Variants in KHDRBS2 observed in about 807,000 individuals in gnomAD.
KHDRBS2 encodes the protein KH domain-containing, RNA-binding, signal transduction-associated protein 2.
A neutral mutation model predicts 44.3 loss-of-function variants in KHDRBS2; 26 were observed. The ratio of observed to expected loss-of-function variants is 0.59; its 90% CI spans 0.43 to 0.81. The LOEUF (loss-of-function observed/expected upper bound fraction) is 0.81. KHDRBS2 is among the 40% of genes least tolerant of loss of function. KHDRBS2 has a pLI of 0.00. For missense variants in KHDRBS2, 476 were observed against 433.1 expected (o/e 1.10, Z -0.88); for synonymous variants, 194 against 151.1 (o/e 1.28, Z -2.08).
intron 2 of KHDRBS2, among the ~76,000 whole-genome samples, chr6:62,110,078 G>A (rs1334138334): frequency 2.0e-5 from 3 of 151,792 alleles, no homozygotes; most frequent in Non-Finnish European, 4.4e-5. Context: ...TGGATAAAAC[G>A]ACAAGGCCCA....
In KHDRBS2 at chr6:61,759,703, C is replaced by T. The variant is rs77867665; in HGVS notation, c.811-26939G>A. Among the ~76,000 whole-genome samples the T allele has an allele frequency of 8.0e-3, 1,217 of 152,202 alleles. 15 individuals carry two copies. Among genetic ancestry groups the T allele is most frequent in the African/African-American group, 0.027 (1,105 of 41,542 alleles). Reference sequence around the variant, plus strand: ...GAAAATGTTTGATCTCTTTCATTTCCCTTGTTAGCACGATTCAGCCTCAAG... The same window carrying T: ...GAAAATGTTTGATCTCTTTCATTTCTCTTGTTAGCACGATTCAGCCTCAAG... On this transcript the variant is annotated intron_variant, in intron 6 of 8. Transcript: ENST00000281156.
intron 4 of KHDRBS2, among the ~76,000 whole-genome samples, chr6:61,960,302 C>T (rs1199306966): frequency 6.6e-6 from 1 of 151,860 alleles, no homozygotes; most frequent in Non-Finnish European, 1.5e-5. Context: ...AAAAACTGCC[C>T]AATTCTAAGA....
At chr6:61,780,472 C>G (rs1326756811) in intron 6 of KHDRBS2, among the ~76,000 whole-genome samples, 1 of 152,136 alleles carries the variant, frequency 6.6e-6, no homozygotes, top group Non-Finnish European at 1.5e-5. Context: ...GCCTGGGCGA[C>G]AGAGCCAGAC....
At chr6:62,080,854 C>A (rs532498288) in intron 2 of KHDRBS2, among the ~76,000 whole-genome samples, 1 of 152,046 alleles carries the variant, frequency 6.6e-6, no homozygotes, top group Non-Finnish European at 1.5e-5. Context: ...CTTGCTGCAT[C>A]TTGGTTTGGC....
At chr6:61,770,843 A>G (rs1019270600) in intron 6 of KHDRBS2, among the ~76,000 whole-genome samples, 2 of 152,162 alleles carry the variant, frequency 1.3e-5, no homozygotes, top group East Asian at 1.9e-4. Flanking sequence ...GAACGCCACA[A>G]AGATACTCCT....
intron 1 of KHDRBS2, among the ~76,000 whole-genome samples, chr6:62,200,835 C>T (rs1585177596): frequency 1.3e-5 from 2 of 152,262 alleles, no homozygotes; most frequent in Non-Finnish European, 2.9e-5. Context: ...GGAACCAACC[C>T]AAATGTCCAA....
chr6:62,229,374 A>G (rs176620), intron 1 of KHDRBS2, among the ~76,000 whole-genome samples: 28,373 of 151,982 alleles, frequency 0.19, 3,070 homozygotes, highest in African/African-American at 0.31. Context: ...CAGTAGGGGA[A>G]AAGTGTGACC....
In KHDRBS2 at chr6:61,696,914, A is replaced by G. The variant is rs572847772; in HGVS notation, c.952+281T>C. ...TGTTGCCAAATCAATGAGTCAGACA[A>G]TGAACACAGTTAAACATACAAGACG... On this transcript the variant is annotated intron_variant, in intron 8 of 8. Transcript: ENST00000281156. Among the ~76,000 whole-genome samples, 4 of 152,292 alleles carry G rather than the reference A, an allele frequency of 2.6e-5. No homozygotes were observed. In the South Asian group the frequency reaches 8.3e-4, roughly 32 times the overall value.
chr6:61,569,684 G>A, the KHDRBS2 span, among the ~76,000 whole-genome samples: 2 of 152,248 alleles, frequency 1.3e-5, no homozygotes, highest in East Asian at 1.9e-4. Flanking sequence ...CACTCTCCTA[G>A]CACCTCCACC....
intron 7 of KHDRBS2, among the ~76,000 whole-genome samples, chr6:61,714,218 C>G (rs574754098): frequency 6.6e-6 from 1 of 151,698 alleles, no homozygotes; most frequent in Admixed American, 6.6e-5. Context: ...AAAAAACCCC[C>G]AAATAATCCC....
intron 2 of KHDRBS2, among the ~76,000 whole-genome samples, chr6:62,166,119 G>C (rs769190365): frequency 6.6e-6 from 1 of 151,924 alleles, no homozygotes; most frequent in East Asian, 1.9e-4. Flanking sequence ...CATCTATGTC[G>C]TAGAATGTAA....
chr6:61,956,759 C>T (rs16880498), intron 4 of KHDRBS2, among the ~76,000 whole-genome samples: 39,929 of 152,080 alleles, frequency 0.26, 5,637 homozygotes, highest in African/African-American at 0.34. Flanking sequence ...GCTATGTGAC[C>T]CAGACCCAAA....
the KHDRBS2 span, among the ~76,000 whole-genome samples, chr6:61,584,690 C>A: frequency 6.6e-6 from 1 of 151,730 alleles, no homozygotes; most frequent in African/African-American, 2.4e-5. Context: ...AATATGGTAG[C>A]AATGTGAGTG....
intron 6 of KHDRBS2, among the ~76,000 whole-genome samples, chr6:61,777,400 T>C (rs113767682): frequency 2.0e-5 from 3 of 152,180 alleles, no homozygotes; most frequent in Non-Finnish European, 4.4e-5. Flanking sequence ...TTTGCCATGC[T>C]GTGTTGTCAA....
chr6:61,867,519 G>A (rs6912048), intron 6 of KHDRBS2, among the ~76,000 whole-genome samples: 1,595 of 152,262 alleles, frequency 0.01, 30 homozygotes, highest in African/African-American at 0.037. Context: ...TCATTTGGAG[G>A]GAAGGCGGCA....
intron 2 of KHDRBS2, among the ~76,000 whole-genome samples, chr6:62,150,302 GA>G (rs5876783): frequency 0.011 from 1,574 of 146,372 alleles, 31 homozygotes; most frequent in African/African-American, 0.036. Flanking sequence ...AGAGATTGTG[GA>G]AAAAAAAAAA....
rs772726688 is a variant in KHDRBS2, at chr6:62,251,343, C to A, written c.91+34515G>T. On this transcript the variant is annotated intron_variant, in intron 1 of 8. Transcript: ENST00000281156. ...TATCTTCAAATGGCTAATTAAAAAA[C>A]CACAAATATGTAAAAATATGTAAAT... Among the ~76,000 whole-genome samples the A allele has an allele frequency of 9.9e-5, 15 of 151,848 alleles. 1 individual carries two copies. The highest frequency in any genetic ancestry group is 6.6e-4 in the Admixed American group (10 of 15,214).
chr6:61,568,833 G>C, the KHDRBS2 span, among the ~76,000 whole-genome samples: 1 of 152,224 alleles, frequency 6.6e-6, no homozygotes, highest in African/African-American at 2.4e-5. Flanking sequence ...GGCAGCAAGG[G>C]TAACTAGAAA....
chr6:61,984,543 T>C (rs903780594), intron 3 of KHDRBS2, among the ~76,000 whole-genome samples: 1 of 152,072 alleles, frequency 6.6e-6, no homozygotes, highest in Non-Finnish European at 1.5e-5. Flanking sequence ...CCCCTGACTC[T>C]GGAGTGGTCT....
Sources: gnomAD v4.1 joint callset for allele counts (sites outside exome capture counted in the v4.1 genomes callset) on GRCh38, gnomAD v4.1.1 for gene constraint, MANE v1.5 for transcripts, NCBI Gene and HGNC (gene_info 2026-07-23, HGNC 2026-07-21) for gene names.